CRLF3: variants seen among roughly 807,000 people sequenced by gnomAD.
The protein encoded by CRLF3 is cytokine receptor like factor 3.
CRLF3 carries 33 observed loss-of-function variants against 55.0 expected under a neutral mutation model. The ratio of observed to expected loss-of-function variants is 0.60; its 90% CI spans 0.46 to 0.80. The LOEUF is 0.80. CRLF3 is among the 30% of genes least tolerant of loss of function. The probability of loss-of-function intolerance (pLI) is 0.00; values close to 1 mark genes in which losing one functional copy is unlikely to be tolerated. For synonymous variants in CRLF3, 238 were observed against 196.8 expected (o/e 1.21, Z -1.75); for missense variants, 494 against 538.4 (o/e 0.92, Z 0.82).
chr17:30,819,030 T>C (rs1312764555), intron 1 of CRLF3, among the ~76,000 whole-genome samples: 1 of 151,854 alleles, frequency 6.6e-6, no homozygotes, highest in Non-Finnish European at 1.5e-5. Flanking sequence ...TGTTGAAGGC[T>C]GGTCTCAAAC....
At chr17:30,806,489 C>A (rs569350410) in intron 1 of CRLF3, among the ~76,000 whole-genome samples, 2 of 152,234 alleles carry the variant, frequency 1.3e-5, no homozygotes, top group African/African-American at 4.8e-5. Context: ...ATGGAGTTCT[C>A]ATTTTTTCCA....
In CRLF3 at chr17:30,795,311, T is replaced by C. The variant is rs557453244; in HGVS notation, c.603+849A>G. Among the ~76,000 whole-genome samples, 11 of 144,702 alleles carry C rather than the reference T, an allele frequency of 7.6e-5. No individual in the cohort carries two copies. The South Asian group carries it at 2.2e-3, about 29-fold the overall frequency. The allele number at this position is 144,702 out of a possible 152,430, so 94.9% of individuals were successfully genotyped here. A position where few individuals can be genotyped will look rare whatever the true frequency, so the allele number is the denominator to read the frequency against. On this transcript the variant is annotated intron_variant, in intron 4 of 7. Transcript: ENST00000324238. ...ACCTGACCAACATGGAGAAACTCTG[T>C]CTCTACTAAAAATACAAAAATACTA... is the stretch of plus-strand genomic sequence containing the variant.
At chr17:30,813,367 G>A (rs1019787003) in intron 1 of CRLF3, among the ~76,000 whole-genome samples, 1 of 152,130 alleles carries the variant, frequency 6.6e-6, no homozygotes, top group Non-Finnish European at 1.5e-5. Flanking sequence ...TCTGGTAAGG[G>A]GGATGGCAAG....
intron 1 of CRLF3, among the ~76,000 whole-genome samples, chr17:30,805,721 A>AC (rs1904378993): frequency 6.6e-6 from 1 of 151,986 alleles, no homozygotes; most frequent in East Asian, 1.9e-4. Flanking sequence ...CTCAAAAAAA[A>AC]AAAAAAAAAA....
chr17:30,803,739 T>C (rs1294093432), intron 2 of CRLF3, 162 bp downstream of exon 2: 4 of 652,174 alleles, frequency 6.1e-6, no homozygotes, highest in Admixed American at 5.2e-5. Flanking sequence ...CCATGTGAGA[T>C]GTGCCTTTCA....
At chr17:30,798,813 T>G (rs1048002124) in intron 2 of CRLF3, among the ~76,000 whole-genome samples, 1 of 149,596 alleles carries the variant, frequency 6.7e-6, no homozygotes, top group Non-Finnish European at 1.5e-5. Flanking sequence ...CACTCCAGCC[T>G]GGGCAACAGT....
intron 1 of CRLF3, among the ~76,000 whole-genome samples, chr17:30,821,732 C>A (rs1905002904): frequency 6.6e-6 from 1 of 152,056 alleles, no homozygotes; most frequent in South Asian, 2.1e-4. Context: ...ATAGGCAAAT[C>A]CATAGAGACA....
At chr17:30,785,867 T>A (rs1440716931) in intron 7 of CRLF3, 52 bp downstream of exon 7, 1 of 955,004 alleles carries the variant, frequency 1.0e-6, no homozygotes, top group Non-Finnish European at 1.7e-6. Context: ...ATTCACATAT[T>A]ACTAAAATAA....
intron 1 of CRLF3, among the ~76,000 whole-genome samples, chr17:30,809,085 T>G (rs546295883): frequency 6.6e-6 from 1 of 152,306 alleles, no homozygotes; most frequent in South Asian, 2.1e-4. Context: ...AGTGCATTGG[T>G]TAGGTAAAGT....
At chr17:30,796,977 CA>C (rs1265661684) in intron 3 of CRLF3, among the ~76,000 whole-genome samples, 1 of 152,102 alleles carries the variant, frequency 6.6e-6, no homozygotes, top group Non-Finnish European at 1.5e-5. Flanking sequence ...TGGCTCACTG[CA>C]ACATCTGCCT....
intron 2 of CRLF3, among the ~76,000 whole-genome samples, chr17:30,798,028 A>G (rs1971950552): frequency 1.3e-5 from 2 of 149,700 alleles, no homozygotes; most frequent in African/African-American, 2.5e-5. Flanking sequence ...TGATGCATCT[A>G]TGTTTTCCTA....
chr17:30,813,868 A>G (rs1904703660), intron 1 of CRLF3, among the ~76,000 whole-genome samples: 1 of 152,000 alleles, frequency 6.6e-6, no homozygotes. Context: ...AGGAAACTGA[A>G]GATTAGGAAA....
At chr17:30,789,901 G>A (rs749444448) in intron 6 of CRLF3, among the ~76,000 whole-genome samples, 13 of 152,106 alleles carry the variant, frequency 8.5e-5, no homozygotes, top group Non-Finnish European at 1.9e-4. Context: ...AAGTGCTTCT[G>A]TAAACAAGGG....
intron 1 of CRLF3, among the ~76,000 whole-genome samples, chr17:30,809,052 T>C (rs1324789711): frequency 2.0e-5 from 3 of 152,234 alleles, no homozygotes; most frequent in African/African-American, 7.2e-5. Flanking sequence ...TCTTGCTCTT[T>C]AGCGGATATA....
chr17:30,796,717 G>A (rs1023957676), intron 3 of CRLF3, among the ~76,000 whole-genome samples: 1 of 150,002 alleles, frequency 6.7e-6, no homozygotes, highest in Non-Finnish European at 1.5e-5. Flanking sequence ...GTAATGGGCA[G>A]TGAAACGCTT....
chr17:30,785,908 T>C lies in CRLF3; in HGVS notation c.1072+11A>G. Reference sequence around the variant, plus strand: ...ATATTTCCAAGAGAATGACAGTTATTTATCTCTTACCATTTGTACTAATGC... The same window carrying C: ...ATATTTCCAAGAGAATGACAGTTATCTATCTCTTACCATTTGTACTAATGC... On this transcript the variant is annotated intron_variant, in intron 7 of 7. Coordinates refer to ENST00000324238, the MANE Select transcript of CRLF3 (RefSeq NM_015986.4). 7.2e-7 allele frequency: 1 copy of C among 1,380,340 alleles called. No individual in the cohort carries two copies. Among genetic ancestry groups the C allele is most frequent in the East Asian group, 2.3e-5 (1 of 43,614 alleles). 85.5% of individuals were successfully genotyped at this position (1,380,340 alleles called of 1,614,324 possible). A position where few individuals can be genotyped will look rare whatever the true frequency, so the allele number is the denominator to read the frequency against.
intron 6 of CRLF3, among the ~76,000 whole-genome samples, chr17:30,790,336 C>T (rs1347607805): frequency 6.6e-6 from 1 of 152,138 alleles, no homozygotes. Context: ...TAAGTCAAAA[C>T]TGGTCTTTAG....
intron 6 of CRLF3, among the ~76,000 whole-genome samples, chr17:30,787,997 C>T (rs1367288467): frequency 6.6e-6 from 1 of 150,490 alleles, no homozygotes; most frequent in Non-Finnish European, 1.5e-5. Context: ...GAGACCTTGT[C>T]TTAAACAAAA....
At chr17:30,792,731 T>C in intron 5 of CRLF3, 159 bp from the exon 6 acceptor site, 1 of 530,058 alleles carries the variant, frequency 1.9e-6, no homozygotes, top group Non-Finnish European at 3.2e-6. Flanking sequence ...TCATGATCAG[T>C]CCCACAAATT....
Sources: allele counts gnomAD v4.1 joint callset (sites outside exome capture counted in the v4.1 genomes callset), GRCh38; gene constraint gnomAD v4.1.1; transcripts MANE v1.5; gene names NCBI Gene and HGNC (gene_info 2026-07-23, HGNC 2026-07-21).